The following CRCP variants were observed in gnomAD, a reference collection of about 807,000 sequenced individuals.
CRCP encodes the protein CGRP receptor component.
CRCP carries 18 observed loss-of-function variants against 18.5 expected under a neutral mutation model. That is an observed-to-expected ratio of 0.97 (90% CI 0.67 to 1.44). The LOEUF is 1.44. Among genes scored for constraint, CRCP ranks in the 40% most tolerant of loss-of-function variants. The probability of loss-of-function intolerance (pLI) is 0.00; values close to 1 mark genes in which losing one functional copy is unlikely to be tolerated. For synonymous variants in CRCP, 53 were observed against 62.9 expected, an observed-to-expected ratio of 0.84 and a Z score of 0.75; for missense variants, 130 against 176.4, an observed-to-expected ratio of 0.74 and a Z score of 1.49.
intron 1 of CRCP, among the ~76,000 whole-genome samples, chr7:66,125,920 G>T (rs1787606018): frequency 6.7e-6 from 1 of 149,330 alleles, no homozygotes; most frequent in South Asian, 2.2e-4. Flanking sequence ...GCAAAGATAG[G>T]AGGAAGCCAG....
At chr7:66,129,464 A>G (rs537010196) in intron 2 of CRCP, among the ~76,000 whole-genome samples, 1 of 152,334 alleles carries the variant, frequency 6.6e-6, no homozygotes, top group South Asian at 2.1e-4. Context: ...ACTGTACTCC[A>G]GTCTGGGAGA....
chr7:66,153,238 G>A lies in CRCP; in HGVS notation c.*881G>A, dbSNP rs1029084191. The A allele has an allele frequency of 1.3e-5, 2 of 152,520 alleles. No individual in the cohort carries two copies. Among genetic ancestry groups the A allele is most frequent in the Non-Finnish European group, 2.9e-5 (2 of 68,064 alleles). The allele number at this position is 152,520 out of a possible 1,614,324, so 9.4% of individuals were successfully genotyped here. On this transcript the variant is annotated 3_prime_UTR_variant, in exon 6 of 6. Coordinates refer to ENST00000395326, the MANE Select transcript of CRCP (RefSeq NM_014478.5). Reference sequence around the variant, plus strand: ...GGATCACCTGAGGTCAGGAGTTTGAGACCAGCCTCACCAACATGGAAAAAC... The same window carrying A: ...GGATCACCTGAGGTCAGGAGTTTGAAACCAGCCTCACCAACATGGAAAAAC...
chr7:66,122,332 G>A lies in CRCP; in HGVS notation c.9-5372G>A, dbSNP rs927540699. On this transcript the variant is annotated intron_variant, in intron 1 of 5. Coordinates refer to ENST00000395326, the MANE Select transcript of CRCP (RefSeq NM_014478.5). ...GGAGTTTGCGGTGAGCTGAGATCGC[G>A]CCACTGCACTCCAGCCTGGGCGACA... Among the ~76,000 whole-genome samples, 14 of 138,010 alleles carry A rather than the reference G, an allele frequency of 1.0e-4. No individual in the cohort carries two copies. The Admixed American group carries it at 1.1e-3, about 10-fold the overall frequency. The allele number at this position is 138,010 out of a possible 152,430, so 90.5% of individuals were successfully genotyped here.
chr7:66,122,556 GA>G (rs1787477978), intron 1 of CRCP, among the ~76,000 whole-genome samples: 1 of 151,910 alleles, frequency 6.6e-6, no homozygotes, highest in African/African-American at 2.4e-5. Flanking sequence ...GTGTCAAATG[GA>G]AAGTCAGCTT....
intron 4 of CRCP, among the ~76,000 whole-genome samples, chr7:66,139,913 A>G (rs765768291): frequency 2.0e-5 from 3 of 152,302 alleles, no homozygotes; most frequent in Middle Eastern, 6.8e-3. Context: ...TCTGGCCCAC[A>G]TGATACCCCC....
intron 1 of CRCP, among the ~76,000 whole-genome samples, chr7:66,118,680 C>A (rs1422019430): frequency 2.0e-5 from 3 of 152,218 alleles, no homozygotes; most frequent in Non-Finnish European, 4.4e-5. Flanking sequence ...CTCCCATATA[C>A]TTTAAATCAT....
intron 4 of CRCP, among the ~76,000 whole-genome samples, chr7:66,138,710 C>T (rs982453357): frequency 1.3e-5 from 2 of 148,318 alleles, no homozygotes; most frequent in South Asian, 2.1e-4. Flanking sequence ...AGGAGAATGG[C>T]GTGAACCCGG....
upstream of CRCP, chr7:66,114,823 C>T: frequency 6.3e-7 from 1 of 1,588,668 alleles, no homozygotes; most frequent in South Asian, 1.1e-5. Context: ...CCGCCAAGCT[C>T]CCGGCATGCA....
At chr7:66,140,634 C>T (rs1015737531) in intron 4 of CRCP, among the ~76,000 whole-genome samples, 3 of 152,196 alleles carry the variant, frequency 2.0e-5, no homozygotes, top group African/African-American at 7.2e-5. Flanking sequence ...TCAGGTGATT[C>T]GCCGCCTCAG....
In CRCP at chr7:66,143,748, T is replaced by G. The variant is rs373426209; in HGVS notation, c.240-1695T>G. 7.2e-5 allele frequency among the ~76,000 whole-genome samples: 11 copies of G among 152,336 alleles called. No individual in the cohort carries two copies. In the East Asian group the frequency reaches 1.2e-3, roughly 16 times the overall value. ...GCCAAGAACAGGAGCTTCTCTGCCATTTACTAGCTTTGCAACTGTAGACAA... is the reference window on the plus strand; with the variant it reads ...GCCAAGAACAGGAGCTTCTCTGCCAGTTACTAGCTTTGCAACTGTAGACAA... On this transcript the variant is annotated intron_variant, in intron 4 of 5. Transcript: ENST00000395326.
At chr7:66,138,621 TAA>T (rs34807364) in intron 4 of CRCP, among the ~76,000 whole-genome samples, 3 of 93,416 alleles carry the variant, frequency 3.2e-5, no homozygotes, top group Non-Finnish European at 4.0e-5. Context: ...TCGTCTCTAC[TAA>T]AAAAAAAAAA....
At chr7:66,124,391 A>G (rs1032019125) in intron 1 of CRCP, among the ~76,000 whole-genome samples, 1 of 152,132 alleles carries the variant, frequency 6.6e-6, no homozygotes, top group African/African-American at 2.4e-5. Flanking sequence ...AGAATGCCAC[A>G]AATACCTGTA....
intron 4 of CRCP, 125 bp from the exon 5 acceptor site, chr7:66,145,318 G>A (rs1404965985): frequency 1.3e-5 from 12 of 902,506 alleles, no homozygotes. Flanking sequence ...ACAGTTGAAG[G>A]AACTGAGGGC....
At chr7:66,133,088 T>C (rs1383583578) in intron 3 of CRCP, among the ~76,000 whole-genome samples, 1 of 152,156 alleles carries the variant, frequency 6.6e-6, no homozygotes, top group East Asian at 1.9e-4. Flanking sequence ...GGAGATGCTT[T>C]GCGGCTAGGA....
At chr7:66,141,163 G>A (rs777515252) in intron 4 of CRCP, among the ~76,000 whole-genome samples, 1 of 152,146 alleles carries the variant, frequency 6.6e-6, no homozygotes, top group Non-Finnish European at 1.5e-5. Context: ...CTTCTTCACT[G>A]TGGCTGGGCC....
At chr7:66,123,281 A>G (rs1055265732) in intron 1 of CRCP, among the ~76,000 whole-genome samples, 1 of 152,146 alleles carries the variant, frequency 6.6e-6, no homozygotes, top group East Asian at 1.9e-4. Flanking sequence ...TAAGTCCTAC[A>G]GGAGAATATG....
At chr7:66,122,212 A>G (rs1276970005) in intron 1 of CRCP, among the ~76,000 whole-genome samples, 1 of 151,960 alleles carries the variant, frequency 6.6e-6, no homozygotes, top group Non-Finnish European at 1.5e-5. Flanking sequence ...CATCTCTACT[A>G]AAAATACAAA....
intron 5 of CRCP, among the ~76,000 whole-genome samples, chr7:66,147,299 A>G (rs1448461433): frequency 6.6e-6 from 1 of 150,474 alleles, no homozygotes; most frequent in Non-Finnish European, 1.5e-5. Flanking sequence ...GGATTGCACC[A>G]CTGCACTCCA....
At chr7:66,132,889 C>T (rs914322060) in intron 3 of CRCP, among the ~76,000 whole-genome samples, 7 of 151,008 alleles carry the variant, frequency 4.6e-5, no homozygotes, top group Non-Finnish European at 7.4e-5. Context: ...CCAGCCTGGG[C>T]GACAGAGCAA....
Sources: gnomAD v4.1 joint callset for allele counts (sites outside exome capture counted in the v4.1 genomes callset) on GRCh38, gnomAD v4.1.1 for gene constraint, MANE v1.5 for transcripts, NCBI Gene and HGNC (gene_info 2026-07-23, HGNC 2026-07-21) for gene names.